Variants in STXBP5 observed in about 807,000 individuals in gnomAD.
The protein encoded by STXBP5 is syntaxin binding protein 5.
STXBP5 carries 50 observed loss-of-function variants against 152.4 expected under a neutral mutation model. The observed-to-expected ratio is 0.33, with a 90% CI of 0.26 to 0.42. The LOEUF is 0.42. Ranked by LOEUF, STXBP5 falls within the 10% of genes least tolerant of loss-of-function variation. The pLI is 1.00. For synonymous variants in STXBP5, 492 were observed against 494.7 expected, an observed-to-expected ratio of 0.99 and a Z score of 0.07; for missense variants, 1,167 against 1,388.6, an observed-to-expected ratio of 0.84 and a Z score of 2.54.
At position 147,314,591 on chromosome 6, in the gene STXBP5, C is replaced by G. The variant is rs1782548556; in HGVS notation, c.1362-5C>G. 1 of 1,608,022 alleles carries G rather than the reference C, an allele frequency of 6.2e-7. No individual in the cohort carries two copies. The highest frequency in any genetic ancestry group is 8.5e-7 in the Non-Finnish European group (1 of 1,177,952). On this transcript the variant is annotated splice_region_variant and splice_polypyrimidine_tract_variant and intron_variant, in intron 13 of 27. Coordinates refer to ENST00000321680, the MANE Select transcript of STXBP5 (RefSeq NM_001127715.4). ...TCATCACATTCTTAACATTGCTTTTCTTAGGCATGCTGATGGGTCAGTTAA... is the reference window on the plus strand; with the variant it reads ...TCATCACATTCTTAACATTGCTTTTGTTAGGCATGCTGATGGGTCAGTTAA...
intron 25 of STXBP5, among the ~76,000 whole-genome samples, chr6:147,369,925 T>A (rs1785465574): frequency 6.6e-6 from 1 of 151,296 alleles, no homozygotes; most frequent in Non-Finnish European, 1.5e-5. Context: ...ACTTTACTCA[T>A]TTTTTTTAAA....
chr6:147,210,257 C>T (rs1414490165), intron 2 of STXBP5, among the ~76,000 whole-genome samples: 3 of 152,136 alleles, frequency 2.0e-5, no homozygotes, highest in Non-Finnish European at 4.4e-5. Context: ...AAGTGAAAAA[C>T]TTGGCAAAGA....
chr6:147,217,766 A>G (rs1272710696), intron 2 of STXBP5, among the ~76,000 whole-genome samples: 1 of 152,170 alleles, frequency 6.6e-6, no homozygotes, highest in African/African-American at 2.4e-5. Flanking sequence ...ATTCACATTA[A>G]AACAAAAAAG....
intron 22 of STXBP5, among the ~76,000 whole-genome samples, chr6:147,357,335 A>G (rs892676783): frequency 3.3e-5 from 5 of 152,226 alleles, no homozygotes; most frequent in East Asian, 3.9e-4. Context: ...GCCTAAAAGT[A>G]GGTAAGTGCA....
chr6:147,310,529 G>GTGATTGATTGAT (rs5880703), intron 10 of STXBP5, among the ~76,000 whole-genome samples: 22 of 150,226 alleles, frequency 1.5e-4, no homozygotes, highest in African/African-American at 1.2e-4. Context: ...AGGAGAGAAA[G>GTGATTGATTGAT]TGATTGATTG....
intron 15 of STXBP5, 80 bp from the exon 16 acceptor site, chr6:147,316,149 G>A (rs1782632900): frequency 7.7e-7 from 1 of 1,295,676 alleles, no homozygotes; most frequent in Non-Finnish European, 1.1e-6. Flanking sequence ...TATGTAAAGT[G>A]TGTGTGTATG....
chr6:147,240,814 A>G (rs1778504892), intron 4 of STXBP5, among the ~76,000 whole-genome samples: 1 of 152,196 alleles, frequency 6.6e-6, no homozygotes, highest in African/African-American at 2.4e-5. Context: ...GGAGAAACGA[A>G]ACTTGGAATA....
intron 2 of STXBP5, among the ~76,000 whole-genome samples, chr6:147,220,227 T>A (rs1777392334): frequency 6.6e-6 from 1 of 152,264 alleles, no homozygotes; most frequent in East Asian, 1.9e-4. Flanking sequence ...TCCATTATGT[T>A]CCAAGAGCAG....
chr6:147,345,842 G>T (rs553639555), intron 21 of STXBP5, among the ~76,000 whole-genome samples: 2 of 152,260 alleles, frequency 1.3e-5, no homozygotes, highest in Admixed American at 6.5e-5. Context: ...AATTTGCATT[G>T]CAGACATAAT....
At chr6:147,259,439 A>G (rs1053623156) in intron 4 of STXBP5, among the ~76,000 whole-genome samples, 2 of 152,196 alleles carry the variant, frequency 1.3e-5, no homozygotes, top group Non-Finnish European at 2.9e-5. Flanking sequence ...AGAGACCATT[A>G]TCATATAAAA....
At position 147,313,895 on chromosome 6, in the gene STXBP5, T is replaced by C. The variant is rs747334867; in HGVS notation, c.1157T>C (p.Phe386Ser). 6.5e-7 allele frequency: 1 copy of C among 1,542,200 alleles called. No individual in the cohort carries two copies. Among genetic ancestry groups the C allele is most frequent in the South Asian group, 1.3e-5 (1 of 79,452 alleles). ...TTCTGTTGTTAAAGATATCCTATAT[T>C]TGAAAATCCCTACCCTTTGAGTATA... ...IDLAQNGYPI[F>S]ENPYPLSIHE... The change falls in exon 12 of 28, where the codon TTT becomes TCT. Residue 386 changes from phenylalanine (F) to serine (S), a missense_variant. Around this residue, in one of 3 missense-constraint regions of STXBP5, gnomAD observed 833 missense variants for 986.3 expected, o/e 0.84. Coordinates refer to ENST00000321680, the MANE Select transcript of STXBP5 (RefSeq NM_001127715.4).
At chr6:147,327,596 C>G (rs1237379668) in intron 18 of STXBP5, among the ~76,000 whole-genome samples, 1 of 152,118 alleles carries the variant, frequency 6.6e-6, no homozygotes, top group Non-Finnish European at 1.5e-5. Flanking sequence ...CACATGCCAC[C>G]ATACCCAGCT....
At chr6:147,238,088 T>C (rs747495126) in intron 3 of STXBP5, among the ~76,000 whole-genome samples, 1 of 152,240 alleles carries the variant, frequency 6.6e-6, no homozygotes, top group Non-Finnish European at 1.5e-5. Context: ...GTCTTTGCTC[T>C]GTGTCTTTGG....
intron 2 of STXBP5, among the ~76,000 whole-genome samples, chr6:147,213,434 A>ATATGTGTGTGTG (rs1216361619): frequency 1.6e-4 from 14 of 85,502 alleles, no homozygotes; most frequent in East Asian, 4.7e-4. Context: ...AATTTTATAT[A>ATATGTGTGTGTG]TGTGTGTGTG....
intron 26 of STXBP5, among the ~76,000 whole-genome samples, chr6:147,381,808 A>G (rs2128423351): frequency 6.6e-6 from 1 of 152,266 alleles, no homozygotes; most frequent in East Asian, 1.9e-4. Context: ...GAATCCATTT[A>G]AATGAAATAC....
In STXBP5 at chr6:147,390,195, C is replaced by A. The variant is rs1786526209; in HGVS notation, c.*5440C>A. On this transcript the variant is annotated 3_prime_UTR_variant, in exon 28 of 28. Coordinates refer to ENST00000321680, the MANE Select transcript of STXBP5 (RefSeq NM_001127715.4). ...AAAAAAAATCTGTGTATTGTTTCAT[C>A]TAAAAAGAAAAGCACTATTGGAAAC... 6.6e-6 allele frequency: 1 copy of A among 151,866 alleles called. No homozygotes were observed. The highest frequency in any genetic ancestry group is 2.1e-4 in the South Asian group (1 of 4,824). 9.4% of individuals were successfully genotyped at this position (151,866 alleles called of 1,614,324 possible). A position where few individuals can be genotyped will look rare whatever the true frequency, so the allele number is the denominator to read the frequency against.
At chr6:147,263,297 C>T (rs1779726881) in intron 6 of STXBP5, among the ~76,000 whole-genome samples, 1 of 149,980 alleles carries the variant, frequency 6.7e-6, no homozygotes, top group African/African-American at 2.4e-5. Context: ...GTCATCAAGT[C>T]ATTTTAATTC....
At chr6:147,217,087 C>A (rs1170382160) in intron 2 of STXBP5, among the ~76,000 whole-genome samples, 1 of 152,190 alleles carries the variant, frequency 6.6e-6, no homozygotes, top group East Asian at 1.9e-4. Flanking sequence ...CTTGTGATGG[C>A]AGTACCTCTG....
intron 26 of STXBP5, among the ~76,000 whole-genome samples, chr6:147,381,601 T>A (rs1786086068): frequency 6.6e-6 from 1 of 152,170 alleles, no homozygotes; most frequent in African/African-American, 2.4e-5. Context: ...GTAGCTTTAT[T>A]CATAATAGCC....
Sources: gnomAD v4.1 joint callset for allele counts (sites outside exome capture counted in the v4.1 genomes callset) on GRCh38, gnomAD v4.1.1 for gene constraint, gnomAD v4.1.1 regional missense constraint, MANE v1.5 for transcripts, NCBI Gene and HGNC (gene_info 2026-07-23, HGNC 2026-07-21) for gene names.